The following SNTG2 variants were observed in gnomAD, a reference collection of about 807,000 sequenced individuals.
SNTG2 encodes gamma-2-syntrophin.
SNTG2 carries 74 observed loss-of-function variants against 70.9 expected under a neutral mutation model. The observed-to-expected ratio is 1.04, with a 90% CI of 0.86 to 1.27. The LOEUF (loss-of-function observed/expected upper bound fraction) is 1.27, where lower values mean the gene tolerates loss of function less well. Ranked by LOEUF, SNTG2 falls within the 50% of genes most tolerant of loss-of-function variation. SNTG2 has a pLI of 0.00. For synonymous variants in SNTG2, 278 were observed against 273.8 expected (o/e 1.02, Z -0.15); for missense variants, 717 against 690.7 (o/e 1.04, Z -0.43).
At chr2:1,046,375 A>C (rs1010509120) in intron 1 of SNTG2, among the ~76,000 whole-genome samples, 19 of 152,068 alleles carry the variant, frequency 1.2e-4, no homozygotes, top group Non-Finnish European at 2.8e-4. Flanking sequence ...TAAGATTGAT[A>C]TGTGCTGGTT....
intron 2 of SNTG2, among the ~76,000 whole-genome samples, chr2:1,087,287 C>T (rs1664744775): frequency 6.6e-6 from 1 of 152,182 alleles, no homozygotes; most frequent in Non-Finnish European, 1.5e-5. Flanking sequence ...GAGGGCTTTC[C>T]TCTCTTTCTT....
rs967155234 is a variant in SNTG2 at position 1,165,559 on chromosome 2, G to C, written c.423G>C (p.Leu141=). 10 of 1,612,538 alleles carry C rather than the reference G, an allele frequency of 6.2e-6. No homozygotes were observed. Among genetic ancestry groups the C allele is most frequent in the Non-Finnish European group, 7.6e-6 (9 of 1,179,446 alleles). Residue 141 remains leucine, a synonymous_variant, in exon 7 of 17, where the codon CTG becomes CTC. Coordinates refer to ENST00000308624, the MANE Select transcript of SNTG2 (RefSeq NM_018968.4). ...TGTCATATTGACAGGTGCATCTGCT[G>C]AGAAATGCTGGCGATGAAGTTACCA... The part of the protein sequence containing the change: ...NATHEEVVHL[L]RNAGDEVTIT...
chr2:1,276,227 T>G (rs138660920), intron 14 of SNTG2, among the ~76,000 whole-genome samples: 3 of 152,366 alleles, frequency 2.0e-5, no homozygotes, highest in African/African-American at 7.2e-5. Flanking sequence ...ACAATAGATT[T>G]TCCATGTAGA....
At chr2:954,785 G>A (rs1203021443) in intron 1 of SNTG2, among the ~76,000 whole-genome samples, 1 of 152,130 alleles carries the variant, frequency 6.6e-6, no homozygotes, top group African/African-American at 2.4e-5. Context: ...TCCAGGGACC[G>A]TGCTGCTTCT....
chr2:991,078 T>C (rs1247210767), intron 1 of SNTG2, among the ~76,000 whole-genome samples: 1 of 152,162 alleles, frequency 6.6e-6, no homozygotes, highest in African/African-American at 2.4e-5. Flanking sequence ...GCTGATGATA[T>C]ATATCTGGTC....
intron 4 of SNTG2, among the ~76,000 whole-genome samples, chr2:1,135,810 T>A (rs1462992090): frequency 6.6e-6 from 1 of 152,196 alleles, no homozygotes; most frequent in African/African-American, 2.4e-5. Flanking sequence ...CTAAAGTTTG[T>A]TTTGTAAAAA....
chr2:1,222,998 GT>G (rs1675435197), intron 9 of SNTG2, among the ~76,000 whole-genome samples: 1 of 51,618 alleles, frequency 1.9e-5, no homozygotes, highest in Non-Finnish European at 3.5e-5. Flanking sequence ...GATGGAGGGC[GT>G]CTCCCTGTCC....
chr2:1,234,149 CGTGAAACTCGGAGGAAACA>C (rs1230964904), intron 9 of SNTG2, among the ~76,000 whole-genome samples: 1 of 152,070 alleles, frequency 6.6e-6, no homozygotes, highest in Non-Finnish European at 1.5e-5. Context: ...CGGAGGAAAC[CGTGAAACTCGGAGGAAACA>C]AAGGCCCAGA....
intron 9 of SNTG2, among the ~76,000 whole-genome samples, chr2:1,209,749 A>G (rs768476336): frequency 6.6e-6 from 1 of 152,254 alleles, no homozygotes; most frequent in Non-Finnish European, 1.5e-5. Context: ...CTTTTCGAGT[A>G]GAAAAATGTA....
At chr2:1,226,828 C>T (rs1485677972) in intron 9 of SNTG2, among the ~76,000 whole-genome samples, 2 of 152,132 alleles carry the variant, frequency 1.3e-5, no homozygotes, top group Admixed American at 6.5e-5. Flanking sequence ...ATAAATCTAT[C>T]TCTGTTTCAA....
At chr2:1,295,706 G>A (rs1429719311) in intron 14 of SNTG2, among the ~76,000 whole-genome samples, 16 of 148,922 alleles carry the variant, frequency 1.1e-4, no homozygotes, top group Admixed American at 4.0e-4. Flanking sequence ...TGAGTCTCCC[G>A]TATTGGGGAG....
intron 6 of SNTG2, among the ~76,000 whole-genome samples, chr2:1,141,496 A>G (rs1668745997): frequency 1.3e-5 from 2 of 152,226 alleles, no homozygotes; most frequent in African/African-American, 2.4e-5. Flanking sequence ...ATCTGGGACA[A>G]TAGCTGGAAC....
At chr2:1,141,341 G>C (rs575125815) in intron 6 of SNTG2, among the ~76,000 whole-genome samples, 1 of 152,318 alleles carries the variant, frequency 6.6e-6, no homozygotes, top group Admixed American at 6.5e-5. Context: ...GGAACACAAA[G>C]TATGCTATTG....
At chr2:1,347,447 A>G (rs1660351887) in intron 16 of SNTG2, among the ~76,000 whole-genome samples, 1 of 152,138 alleles carries the variant, frequency 6.6e-6, no homozygotes, top group Admixed American at 6.5e-5. Flanking sequence ...CCATCATCAA[A>G]CCAGGGCAAA....
At chr2:1,308,850 G>C (rs1680837555) in intron 15 of SNTG2, among the ~76,000 whole-genome samples, 1 of 152,056 alleles carries the variant, frequency 6.6e-6, no homozygotes, top group African/African-American at 2.4e-5. Context: ...TGCTAAGGAG[G>C]GACCCACAAC....
chr2:954,834 G>A lies in SNTG2; in HGVS notation c.72+3766G>A, dbSNP rs1027702157. 4.6e-5 allele frequency among the ~76,000 whole-genome samples: 7 copies of A among 152,242 alleles called. No individual in the cohort carries two copies. In the East Asian group the frequency reaches 1.4e-3, roughly 29 times the overall value. On this transcript the variant is annotated intron_variant, in intron 1 of 16. Transcript: ENST00000308624. ...CTGAACCTTCCTGTTTTCTCCCCTT[G>A]CACATTTTAATAAATACTGTTAACA... is the stretch of plus-strand genomic sequence containing the variant.
chr2:1,037,289 C>T (rs115426065), intron 1 of SNTG2, among the ~76,000 whole-genome samples: 177 of 152,326 alleles, frequency 1.2e-3, no homozygotes, highest in African/African-American at 4.0e-3. Flanking sequence ...CGAGGCTATT[C>T]CTCACCCCAT....
intron 6 of SNTG2, among the ~76,000 whole-genome samples, chr2:1,162,103 T>G (rs1400403744): frequency 6.6e-6 from 1 of 151,780 alleles, no homozygotes; most frequent in African/African-American, 2.4e-5. Context: ...AGTGCTTGTT[T>G]TCAGGCTACT....
intron 4 of SNTG2, among the ~76,000 whole-genome samples, chr2:1,115,503 A>G (rs757243310): frequency 1.3e-5 from 2 of 152,352 alleles, no homozygotes; most frequent in African/African-American, 2.4e-5. Context: ...TAACCCTTAC[A>G]GTCCTTTGAG....
Sources: gnomAD v4.1 joint callset for allele counts (sites outside exome capture counted in the v4.1 genomes callset) on GRCh38, gnomAD v4.1.1 for gene constraint, MANE v1.5 for transcripts, NCBI Gene and HGNC (gene_info 2026-07-23, HGNC 2026-07-21) for gene names.